GRK3: variants seen among roughly 807,000 people sequenced by gnomAD.
GRK3 encodes adrenergic, beta, receptor kinase 2.
Under a neutral mutation model 95.7 loss-of-function variants are expected in GRK3, and 54 were observed. That is an observed-to-expected ratio of 0.56 (90% CI 0.45 to 0.71). The LOEUF (loss-of-function observed/expected upper bound fraction) is 0.71. Ranked by LOEUF, GRK3 falls within the 30% of genes least tolerant of loss-of-function variation. GRK3 has a pLI of 0.00. For synonymous variants in GRK3, 281 were observed against 290.8 expected (o/e 0.97, Z 0.34); for missense variants, 649 against 851.2 (o/e 0.76, Z 2.96).
At chr22:25,638,936 C>T (rs1251380030) in intron 2 of GRK3, among the ~76,000 whole-genome samples, 1 of 152,278 alleles carries the variant, frequency 6.6e-6, no homozygotes, top group African/African-American at 2.4e-5. Context: ...ACATGATGAC[C>T]AATGATGCTG....
chr22:25,695,479 C>T lies in GRK3; in HGVS notation c.1160+265C>T, dbSNP rs550491965. Reference sequence around the variant, plus strand: ...TTTTAAACCTAAAATTAGACTGCTTCGAATTTTTTTCTTTGATAAGCCACA... The same window carrying T: ...TTTTAAACCTAAAATTAGACTGCTTTGAATTTTTTTCTTTGATAAGCCACA... On this transcript the variant is annotated intron_variant, in intron 13 of 20. Coordinates refer to ENST00000324198, the MANE Select transcript of GRK3 (RefSeq NM_005160.4). Among the ~76,000 whole-genome samples, 6 of 152,110 alleles carry T rather than the reference C, an allele frequency of 3.9e-5. No individual in the cohort carries two copies. The East Asian group carries it at 9.7e-4, about 24-fold the overall frequency.
chr22:25,685,313 G>A, intron 10 of GRK3, 65 bp downstream of exon 10: 9 of 1,251,852 alleles, frequency 7.2e-6, no homozygotes, highest in Non-Finnish European at 9.4e-6. Context: ...ATCTTAGCAT[G>A]CATTAATCTA....
intron 3 of GRK3, among the ~76,000 whole-genome samples, chr22:25,655,839 C>T (rs1442855004): frequency 2.0e-5 from 3 of 152,152 alleles, no homozygotes; most frequent in African/African-American, 7.2e-5. Context: ...GGCTAGTGAT[C>T]GTCTTCTGCT....
chr22:25,579,765 C>G (rs918089087), intron 1 of GRK3, among the ~76,000 whole-genome samples: 2 of 151,818 alleles, frequency 1.3e-5, no homozygotes, highest in Non-Finnish European at 2.9e-5. Flanking sequence ...GGCCACCGAG[C>G]CTGGCCGAGG....
intron 15 of GRK3, among the ~76,000 whole-genome samples, chr22:25,705,609 A>ATCTC (rs797010654): frequency 3.3e-5 from 5 of 150,478 alleles, no homozygotes; most frequent in Admixed American, 6.6e-5. Context: ...ATATAGTATG[A>ATCTC]TCTCTCTCTC....
intron 1 of GRK3, among the ~76,000 whole-genome samples, chr22:25,567,029 G>A (rs1316577532): frequency 6.6e-6 from 1 of 151,500 alleles, no homozygotes; most frequent in Non-Finnish European, 1.5e-5. Context: ...ACGTACTTAT[G>A]CACTTAGGGT....
At chr22:25,574,904 T>G (rs766239842) in intron 1 of GRK3, among the ~76,000 whole-genome samples, 1 of 152,240 alleles carries the variant, frequency 6.6e-6, no homozygotes, top group Non-Finnish European at 1.5e-5. Flanking sequence ...CTTTCTGTTT[T>G]GTTTCTAGTG....
intron 13 of GRK3, among the ~76,000 whole-genome samples, chr22:25,696,741 C>T (rs2085212070): frequency 6.6e-6 from 1 of 152,238 alleles, no homozygotes; most frequent in Non-Finnish European, 1.5e-5. Flanking sequence ...TCTGAGCACC[C>T]TCTGTTTCGT....
chr22:25,662,178 G>A (rs899272959), intron 4 of GRK3, among the ~76,000 whole-genome samples: 4 of 151,990 alleles, frequency 2.6e-5, no homozygotes, highest in African/African-American at 9.7e-5. Context: ...TTGGTCATTA[G>A]GATAAACTAG....
intron 1 of GRK3, among the ~76,000 whole-genome samples, chr22:25,599,607 G>T (rs1242013446): frequency 7.1e-6 from 1 of 140,956 alleles, no homozygotes; most frequent in African/African-American, 2.6e-5. Flanking sequence ...AAAAAAAAAA[G>T]AAAAGAAAAA....
rs147807202 is a variant in GRK3 at position 25,591,087 on chromosome 22, G to A, written c.114-13290G>A. ...CCAATTCAGATGCCAGCTAGGAATG[G>A]GGTTCCCAGTCTCCCATACTTCTGC... On this transcript the variant is annotated intron_variant, in intron 1 of 20. Coordinates refer to ENST00000324198, the MANE Select transcript of GRK3 (RefSeq NM_005160.4). 1.3e-3 allele frequency among the ~76,000 whole-genome samples: 192 copies of A among 152,200 alleles called. 1 individual carries two copies. Among genetic ancestry groups the A allele is most frequent in the Non-Finnish European group, 2.0e-3 (133 of 68,000 alleles).
At position 25,674,501 on chromosome 22, in the gene GRK3, G is replaced by A; in HGVS notation, c.620G>A (p.Gly207Asp). The A allele has an allele frequency of 6.2e-7, 1 of 1,613,996 alleles. No homozygotes were observed. Among genetic ancestry groups the A allele is most frequent in the Non-Finnish European group, 8.5e-7 (1 of 1,179,868 alleles). ...CGAGGAGGATTCGGGGAAGTTTATG[G>A]TTGCAGGAAAGCAGACACTGGAAAA... ...IGRGGFGEVY[G>D]CRKADTGKMY... Residue 207 changes from glycine (G) to aspartate (D), a missense_variant, in exon 8 of 21, where the codon GGT (glycine) becomes GAT (aspartate). Physicochemically the swap from Gly to Asp is moderately conservative, Grantham distance 94. This residue lies in a region of GRK3 where 61 missense variants were observed against 126.0 expected (regional missense o/e 0.48). Coordinates refer to ENST00000324198, the MANE Select transcript of GRK3 (RefSeq NM_005160.4).
At chr22:25,636,796 A>G (rs974562004) in intron 2 of GRK3, among the ~76,000 whole-genome samples, 4 of 152,214 alleles carry the variant, frequency 2.6e-5, no homozygotes, top group Admixed American at 2.6e-4. Flanking sequence ...GTATATATAT[A>G]GAATTACGCA....
intron 11 of GRK3, among the ~76,000 whole-genome samples, chr22:25,688,027 G>T (rs987205974): frequency 6.6e-6 from 1 of 152,146 alleles, no homozygotes; most frequent in Admixed American, 6.5e-5. Context: ...ACAAGGTCAG[G>T]AGATCAAGGC....
chr22:25,586,496 G>A (rs1932312985), intron 1 of GRK3, among the ~76,000 whole-genome samples: 1 of 152,252 alleles, frequency 6.6e-6, no homozygotes, highest in African/African-American at 2.4e-5. Context: ...TCTACCTACT[G>A]TGTACACACA....
At chr22:25,604,692 T>G (rs1319932631) in intron 2 of GRK3, among the ~76,000 whole-genome samples, 1 of 152,268 alleles carries the variant, frequency 6.6e-6, no homozygotes, top group Non-Finnish European at 1.5e-5. Context: ...AACTCAGCGT[T>G]GCTGAATGTA....
intron 2 of GRK3, among the ~76,000 whole-genome samples, chr22:25,607,735 C>T (rs2084462570): frequency 6.6e-6 from 1 of 150,726 alleles, no homozygotes; most frequent in Non-Finnish European, 1.5e-5. Context: ...CACCACCATA[C>T]CCAGCTAATT....
intron 7 of GRK3, 24 bp from the exon 8 acceptor site, chr22:25,674,413 T>A: frequency 6.4e-7 from 1 of 1,572,172 alleles, no homozygotes; most frequent in South Asian, 1.1e-5. Context: ...TCTTATGTTT[T>A]CATTTTGTGT....
chr22:25,573,837 T>C (rs1339742047), intron 1 of GRK3, among the ~76,000 whole-genome samples: 1 of 152,124 alleles, frequency 6.6e-6, no homozygotes, highest in Non-Finnish European at 1.5e-5. Flanking sequence ...AGGCAGAGGT[T>C]GCAGTGAGCT....
Sources: gnomAD v4.1 joint callset for allele counts (sites outside exome capture counted in the v4.1 genomes callset) on GRCh38, gnomAD v4.1.1 for gene constraint, gnomAD v4.1.1 regional missense constraint, MANE v1.5 for transcripts, NCBI Gene and HGNC (gene_info 2026-07-23, HGNC 2026-07-21) for gene names.